The following OC90 variants were observed in gnomAD, a reference collection of about 807,000 sequenced individuals.
The protein encoded by OC90 is otoconin-90.
Under a neutral mutation model 47.3 loss-of-function variants are expected in OC90, and 46 were observed. The observed-to-expected ratio is 0.97, with a 90% CI of 0.77 to 1.24. The LOEUF (loss-of-function observed/expected upper bound fraction) is 1.24, where lower values mean the gene tolerates loss of function less well. Among genes scored for constraint, OC90 ranks in the 50% most tolerant of loss-of-function variants. The probability of loss-of-function intolerance (pLI) is 0.00; values close to 1 mark genes in which losing one functional copy is unlikely to be tolerated. For synonymous variants in OC90, 271 were observed against 219.5 expected (o/e 1.23, Z -2.07); for missense variants, 688 against 583.9 (o/e 1.18, Z -1.84).
In OC90 at chr8:132,027,619, A is replaced by T. The variant is rs368082297; in HGVS notation, c.1138+1454T>A. Among the ~76,000 whole-genome samples the T allele has an allele frequency of 1.2e-4, 19 of 152,350 alleles. No individual in the cohort carries two copies. In the South Asian group the frequency reaches 3.9e-3, roughly 32 times the overall value. On this transcript the variant is annotated intron_variant, in intron 13 of 13. Coordinates refer to ENST00000254627, the MANE Select transcript of OC90 (RefSeq NM_001080399.3). ...ATGAATGAGGAAATGGAGCTGGAGA[A>T]TGCAGATAAAGTCAATTCTACAGCA...
intron 2 of OC90, among the ~76,000 whole-genome samples, chr8:132,049,124 CT>C (rs1823178230): frequency 6.6e-6 from 1 of 151,422 alleles, no homozygotes. Context: ...ACATAAGAAG[CT>C]GTTAATGATA....
intron 4 of OC90, among the ~76,000 whole-genome samples, chr8:132,042,536 C>G (rs1296955116): frequency 2.0e-5 from 3 of 152,180 alleles, no homozygotes; most frequent in African/African-American, 7.2e-5. Flanking sequence ...GCCTCCCTCC[C>G]TCCCTGACTA....
chr8:132,029,306 C>G, intron 12 of OC90, 127 bp from the exon 13 acceptor site: 1 of 716,950 alleles, frequency 1.4e-6, no homozygotes, highest in Non-Finnish European at 2.4e-6. Flanking sequence ...TTCCAGTGCA[C>G]ACAGGGCTGA....
At chr8:132,042,659 C>G (rs781546755) in intron 4 of OC90, among the ~76,000 whole-genome samples, 8 of 152,292 alleles carry the variant, frequency 5.3e-5, no homozygotes, top group Middle Eastern at 3.4e-3. Context: ...CATTAAGTCA[C>G]TTAGGATAAT....
Position 132,025,357 on chromosome 8 carries a change from C to T in OC90, c.1139-581G>A, listed in dbSNP as rs183195288. On this transcript the variant is annotated intron_variant, in intron 13 of 13. Coordinates refer to ENST00000254627, the MANE Select transcript of OC90 (RefSeq NM_001080399.3). Reference sequence around the variant, plus strand: ...ACTTCCCAATAAAAACTTAAAATGGCGAGTTTGACTTTCCTCTGGGGACAT... The same window carrying T: ...ACTTCCCAATAAAAACTTAAAATGGTGAGTTTGACTTTCCTCTGGGGACAT... Among the ~76,000 whole-genome samples the T allele has an allele frequency of 2.8e-4, 43 of 152,208 alleles. No homozygotes were observed. The South Asian group carries it at 3.1e-3, about 11-fold the overall frequency.
At chr8:132,040,421 T>C (rs1253837100) in intron 6 of OC90, among the ~76,000 whole-genome samples, 1 of 152,222 alleles carries the variant, frequency 6.6e-6, no homozygotes, top group Non-Finnish European at 1.5e-5. Flanking sequence ...CTTCCCTTCA[T>C]GCCTTTGCGT....
At chr8:132,034,461 A>G (rs561211422) in intron 10 of OC90, among the ~76,000 whole-genome samples, 2 of 152,332 alleles carry the variant, frequency 1.3e-5, no homozygotes, top group East Asian at 3.9e-4. Flanking sequence ...AGGAGATCCC[A>G]GAGCCCAGTG....
At chr8:132,031,816 C>A in intron 12 of OC90, 65 bp downstream of exon 12, 1 of 1,439,640 alleles carries the variant, frequency 6.9e-7, no homozygotes, top group Non-Finnish European at 9.6e-7. Context: ...AGGGCTGTCA[C>A]CACCCTCTGG....
chr8:132,034,117 T>C (rs1822918305), intron 10 of OC90, among the ~76,000 whole-genome samples: 1 of 152,230 alleles, frequency 6.6e-6, no homozygotes, highest in African/African-American at 2.4e-5. Flanking sequence ...CTTTCTATCA[T>C]GTTCTCCACT....
Position 132,041,573 on chromosome 8 carries a change from C to A in OC90, c.296G>T (p.Cys99Phe), listed in dbSNP as rs760059385. The A allele has an allele frequency of 1.2e-6, 2 of 1,613,330 alleles. No individual in the cohort carries two copies. The highest frequency in any genetic ancestry group is 2.7e-5 in the African/African-American group (2 of 74,806). The change falls in exon 5 of 14, where the codon TGC becomes TTC. Residue 99 changes from cysteine to phenylalanine, a missense_variant. Transcript: ENST00000254627. The stretch of plus-strand genomic sequence containing the variant: ...CCCTTCCATCTCAAACCTGCAGGTG[C>A]AACCATAGTCTTCAAAGTCTCGGGG... ...LCPRDFEDYG[C>F]TCRFEMEGLP...
intron 13 of OC90, among the ~76,000 whole-genome samples, chr8:132,026,758 T>C (rs4736531): frequency 0.36 from 54,354 of 152,020 alleles, 10,324 homozygotes; most frequent in East Asian, 0.51. Context: ...CCTGGCATGA[T>C]TGCATCATGT....
chr8:132,059,081 C>A (rs1055367872), intron 1 of OC90, among the ~76,000 whole-genome samples: 13 of 149,396 alleles, frequency 8.7e-5, no homozygotes, highest in Non-Finnish European at 1.9e-4. Context: ...TCTCTTTCTC[C>A]CTCCTTTTCT....
chr8:132,041,355 T>C (rs775146674), intron 5 of OC90, among the ~76,000 whole-genome samples, 170 bp downstream of exon 5: 7 of 152,200 alleles, frequency 4.6e-5, no homozygotes, highest in Non-Finnish European at 1.0e-4. Context: ...TGATCACAGA[T>C]GACATTGCCA....
intron 12 of OC90, among the ~76,000 whole-genome samples, chr8:132,029,619 A>G (rs568863778): frequency 1.3e-5 from 2 of 152,310 alleles, no homozygotes; most frequent in African/African-American, 4.8e-5. Flanking sequence ...TTAATCTCAC[A>G]TCCACAGTGC....
chr8:132,036,706 AG>A (rs879647173), intron 9 of OC90, among the ~76,000 whole-genome samples: 2 of 152,248 alleles, frequency 1.3e-5, no homozygotes, highest in Admixed American at 1.3e-4. Context: ...AGGAAGCTTA[AG>A]AGAGAGTTTA....
intron 1 of OC90, 145 bp from the exon 2 acceptor site, chr8:132,055,218 CACTA>C: frequency 1.9e-6 from 1 of 530,496 alleles, no homozygotes; most frequent in South Asian, 3.1e-5. Flanking sequence ...CCAGTTTTGC[CACTA>C]ACTGACAATG....
intron 2 of OC90, among the ~76,000 whole-genome samples, chr8:132,054,088 A>G (rs1823250705): frequency 6.6e-6 from 1 of 152,188 alleles, no homozygotes; most frequent in South Asian, 2.1e-4. Flanking sequence ...TACAGGAAGC[A>G]TAACTGACCA....
intron 2 of OC90, among the ~76,000 whole-genome samples, chr8:132,046,518 C>T (rs1339895579): frequency 6.6e-6 from 1 of 152,128 alleles, no homozygotes; most frequent in Non-Finnish European, 1.5e-5. Flanking sequence ...CTACCAGTAC[C>T]CAAATACAAC....
Position 132,033,184 on chromosome 8 carries a change from T to A in OC90, c.734-20A>T, listed in dbSNP as rs1188580248. 1 of 1,598,684 alleles carries A rather than the reference T, an allele frequency of 6.3e-7. No homozygotes were observed. Among genetic ancestry groups the A allele is most frequent in the African/African-American group, 1.3e-5 (1 of 74,754 alleles). On this transcript the variant is annotated intron_variant, in intron 10 of 13. Transcript: ENST00000254627. ...CAGATCCTGAAAATGAAAAACTTCA[T>A]GATTCGGATTCAAAAAGTGGCTCAA...
Sources: gnomAD v4.1 joint callset for allele counts (sites outside exome capture counted in the v4.1 genomes callset) on GRCh38, gnomAD v4.1.1 for gene constraint, MANE v1.5 for transcripts, NCBI Gene and HGNC (gene_info 2026-07-23, HGNC 2026-07-21) for gene names.